MAP4K3: variants seen among roughly 807,000 people sequenced by gnomAD.
MAP4K3 encodes MAPK/ERK kinase kinase kinase 3.
A neutral mutation model predicts 143.5 loss-of-function variants in MAP4K3; 94 were observed. The ratio of observed to expected loss-of-function variants is 0.65; its 90% CI spans 0.55 to 0.78. The LOEUF is 0.78. Ranked by LOEUF, MAP4K3 falls within the 30% of genes least tolerant of loss-of-function variation. The pLI, the probability that MAP4K3 is intolerant of heterozygous loss-of-function variation, is 0.00. For missense variants in MAP4K3, 1,077 were observed against 1,068.1 expected, an observed-to-expected ratio of 1.01 and a Z score of -0.12; for synonymous variants, 416 against 347.2, an observed-to-expected ratio of 1.20 and a Z score of -2.20.
At chr2:39,284,588 G>GT (rs1425777954) in intron 21 of MAP4K3, among the ~76,000 whole-genome samples, 1 of 152,072 alleles carries the variant, frequency 6.6e-6, no homozygotes, top group Non-Finnish European at 1.5e-5. Context: ...GCTCACGCCT[G>GT]TAATCCCAGC....
chr2:39,286,761 T>C (rs1272760641), intron 21 of MAP4K3, 91 bp downstream of exon 21: 1 of 542,462 alleles, frequency 1.8e-6, no homozygotes, highest in Non-Finnish European at 3.1e-6. Context: ...AATATACTAG[T>C]GCTATAGTGT....
At chr2:39,322,592 A>ATGTG (rs71752304) in intron 12 of MAP4K3, among the ~76,000 whole-genome samples, 4,129 of 144,698 alleles carry the variant, frequency 0.029, 136 homozygotes, top group African/African-American at 0.081. Flanking sequence ...GATGTGGTAT[A>ATGTG]TGTGTGTGTG....
At chr2:39,278,171 A>T (rs1478971089) in intron 24 of MAP4K3, among the ~76,000 whole-genome samples, 2 of 151,954 alleles carry the variant, frequency 1.3e-5, no homozygotes, top group African/African-American at 4.8e-5. Flanking sequence ...ACTCCCAGCT[A>T]CTTGGGAGGC....
At chr2:39,275,499 C>G (rs1681211683) in intron 24 of MAP4K3, among the ~76,000 whole-genome samples, 1 of 152,090 alleles carries the variant, frequency 6.6e-6, no homozygotes, top group Admixed American at 6.5e-5. Context: ...ACAACAACAA[C>G]AAAAGAGTTC....
intron 12 of MAP4K3, among the ~76,000 whole-genome samples, chr2:39,321,759 A>T (rs1163211399): frequency 6.6e-6 from 1 of 152,256 alleles, no homozygotes; most frequent in East Asian, 1.9e-4. Context: ...GAGGTGGGAC[A>T]TGCGGGCAAC....
At chr2:39,346,696 A>G (rs1166091502) in intron 3 of MAP4K3, among the ~76,000 whole-genome samples, 1 of 152,226 alleles carries the variant, frequency 6.6e-6, no homozygotes, top group Non-Finnish European at 1.5e-5. Context: ...CAGAAGCAGC[A>G]ATTGTAAGAA....
chr2:39,320,042 C>T (rs1683252539), intron 12 of MAP4K3, among the ~76,000 whole-genome samples: 2 of 152,090 alleles, frequency 1.3e-5, no homozygotes, highest in African/African-American at 4.8e-5. Context: ...AATGTCACTT[C>T]CTTTGTGACA....
rs747960950 is a variant in MAP4K3 at position 39,272,451 on chromosome 2, T to C, written c.1855+31A>G. On this transcript the variant is annotated intron_variant, in intron 25 of 33. Coordinates refer to ENST00000263881, the MANE Select transcript of MAP4K3 (RefSeq NM_003618.4). ...AAAAGCTAATAATAAATAGTAACAA[T>C]TGTAAGGTATTTAAAAACTAATATA... 1.8e-5 allele frequency: 29 copies of C among 1,600,978 alleles called. No homozygotes were observed. The Middle Eastern group carries it at 1.0e-3, about 55-fold the overall frequency.
chr2:39,256,217 T>C (rs906809502), intron 31 of MAP4K3, among the ~76,000 whole-genome samples: 21 of 152,340 alleles, frequency 1.4e-4, no homozygotes, highest in Admixed American at 3.3e-4. Flanking sequence ...GGGTTTTATA[T>C]TCTATGTACA....
chr2:39,408,166 AC>A (rs1667145748), intron 1 of MAP4K3, among the ~76,000 whole-genome samples: 1 of 152,004 alleles, frequency 6.6e-6, no homozygotes, highest in Non-Finnish European at 1.5e-5. Flanking sequence ...AGATAACAAA[AC>A]CCTTTTTCTG....
chr2:39,391,784 C>T (rs993658612), intron 1 of MAP4K3, among the ~76,000 whole-genome samples: 1 of 152,054 alleles, frequency 6.6e-6, no homozygotes, highest in Non-Finnish European at 1.5e-5. Flanking sequence ...ACACTCCCAC[C>T]AAGGCAGATC....
chr2:39,420,679 T>C lies in MAP4K3; in HGVS notation c.96+16213A>G, dbSNP rs897511047. Among the ~76,000 whole-genome samples the C allele has an allele frequency of 4.6e-5, 7 of 151,922 alleles. No individual in the cohort carries two copies. In the South Asian group the frequency reaches 6.2e-4, roughly 14 times the overall value. On this transcript the variant is annotated intron_variant, in intron 1 of 33. Transcript: ENST00000263881. ...CCTCCCACCTCAGCATCCTGAAGTG[T>C]TGGAATTACAAGCATGAGACATCAT...
intron 1 of MAP4K3, among the ~76,000 whole-genome samples, chr2:39,391,727 GA>G (rs1666666093): frequency 6.6e-6 from 1 of 152,132 alleles, no homozygotes; most frequent in South Asian, 2.1e-4. Context: ...CAGCTTGGGG[GA>G]ATGAAGGCAG....
intron 4 of MAP4K3, among the ~76,000 whole-genome samples, 171 bp from the exon 5 acceptor site, chr2:39,337,752 GTTTTTTT>G (rs570853243): frequency 6.0e-4 from 42 of 70,516 alleles, no homozygotes; most frequent in African/African-American, 2.0e-3. Context: ...CCTGGCTCCA[GTTTTTTT>G]TTTTTTTTTT....
intron 16 of MAP4K3, among the ~76,000 whole-genome samples, chr2:39,294,694 G>A (rs886209213): frequency 6.6e-5 from 10 of 152,188 alleles, no homozygotes; most frequent in African/African-American, 2.4e-4. Flanking sequence ...GCTGTCAGAA[G>A]GTCTACTGAA....
At chr2:39,377,216 A>T (rs1232251181) in intron 2 of MAP4K3, among the ~76,000 whole-genome samples, 34 of 17,982 alleles carry the variant, frequency 1.9e-3, no homozygotes, top group Non-Finnish European at 0.011. Context: ...TTTTTTTTTT[A>T]AACAGAAAAA....
chr2:39,253,656 G>T (rs1680235182), intron 32 of MAP4K3, among the ~76,000 whole-genome samples: 1 of 152,170 alleles, frequency 6.6e-6, no homozygotes, highest in South Asian at 2.1e-4. Flanking sequence ...GTGGTATATT[G>T]CTTACTTTGT....
At chr2:39,398,626 G>A (rs535923225) in intron 1 of MAP4K3, among the ~76,000 whole-genome samples, 34 of 150,822 alleles carry the variant, frequency 2.3e-4, no homozygotes, top group Non-Finnish European at 3.5e-4. Context: ...AAAAAGATAA[G>A]AAATTGGTGG....
rs572942489 is a variant in MAP4K3 at position 39,377,049 on chromosome 2, A to T, written c.154+1017T>A. On this transcript the variant is annotated intron_variant, in intron 2 of 33. Coordinates refer to ENST00000263881, the MANE Select transcript of MAP4K3 (RefSeq NM_003618.4). ...ATTTATGTGTGGTTTGATCACAGTC[A>T]ATCAGCACATCCTTAAATTTTCATT... Among the ~76,000 whole-genome samples, 5 of 152,250 alleles carry T rather than the reference A, an allele frequency of 3.3e-5. No individual in the cohort carries two copies. In the East Asian group the frequency reaches 9.6e-4, roughly 29 times the overall value.
Sources: allele counts gnomAD v4.1 joint callset (sites outside exome capture counted in the v4.1 genomes callset), GRCh38; gene constraint gnomAD v4.1.1; transcripts MANE v1.5; gene names NCBI Gene and HGNC (gene_info 2026-07-23, HGNC 2026-07-21).